Variants in FAM228B observed in about 807,000 individuals in gnomAD.
FAM228B encodes the protein protein FAM228B.
A neutral mutation model predicts 42.6 loss-of-function variants in FAM228B; 38 were observed. That is an observed-to-expected ratio of 0.89 (90% CI 0.69 to 1.17). FAM228B has a LOEUF of 1.17. FAM228B is among the 50% of genes most tolerant of loss of function. FAM228B has a pLI of 0.00. For missense variants in FAM228B, 344 were observed against 367.3 expected, an observed-to-expected ratio of 0.94 and a Z score of 0.52; for synonymous variants, 109 against 122.3, an observed-to-expected ratio of 0.89 and a Z score of 0.72.
chr2:24,083,207 C>G, intron 2 of FAM228B: 10 of 1,505,206 alleles, frequency 6.6e-6, no homozygotes, highest in Non-Finnish European at 8.9e-6. Context: ...CTGTATGTCA[C>G]TACCCCTGGC....
chr2:24,156,814 A>C (rs1667161270), intron 7 of FAM228B, among the ~76,000 whole-genome samples: 1 of 97,724 alleles, frequency 1.0e-5, no homozygotes, highest in Non-Finnish European at 2.0e-5. Context: ...TATCTTTTGT[A>C]TTTTTTGTTT....
chr2:24,103,486 T>C lies in FAM228B; in HGVS notation c.-121+8257T>C, dbSNP rs979939839. Among the ~76,000 whole-genome samples the C allele has an allele frequency of 2.0e-5, 3 of 152,216 alleles. No individual in the cohort carries two copies. The South Asian group carries it at 6.2e-4, about 31-fold the overall frequency. On this transcript the variant is annotated intron_variant, in intron 3 of 10. Transcript: ENST00000613899. Reference sequence around the variant, plus strand: ...CCTGGGCACCTCCACAGGTGCTGTATAGCTACCACCAAAGGGTCACTTGTG... The same window carrying C: ...CCTGGGCACCTCCACAGGTGCTGTACAGCTACCACCAAAGGGTCACTTGTG...
intron 1 of FAM228B, chr2:24,079,576 G>A: frequency 6.2e-7 from 1 of 1,614,094 alleles, no homozygotes; most frequent in East Asian, 2.2e-5. Context: ...CAAGAGCCAG[G>A]CAGTTGACGT....
intron 3 of FAM228B, among the ~76,000 whole-genome samples, chr2:24,117,340 C>T (rs1002999815): frequency 2.0e-5 from 3 of 151,998 alleles, no homozygotes; most frequent in African/African-American, 4.8e-5. Flanking sequence ...ACAGAAGTAG[C>T]ATAGCATCCT....
chr2:24,079,548 A>G (rs1385376093), intron 1 of FAM228B: 2 of 1,614,194 alleles, frequency 1.2e-6, no homozygotes, highest in South Asian at 1.1e-5. Context: ...ATCAGACCAT[A>G]GAGAACCCAT....
intron 7 of FAM228B, among the ~76,000 whole-genome samples, chr2:24,154,000 T>C (rs1225033919): frequency 1.3e-5 from 2 of 152,184 alleles, no homozygotes; most frequent in Non-Finnish European, 2.9e-5. Context: ...GAATTCAGCA[T>C]AAGTCCCCTA....
chr2:24,139,145 T>G (rs1666687858), intron 4 of FAM228B, among the ~76,000 whole-genome samples: 1 of 152,216 alleles, frequency 6.6e-6, no homozygotes, highest in African/African-American at 2.4e-5. Context: ...TCCAACATTC[T>G]TTATTAAGAT....
intron 3 of FAM228B, among the ~76,000 whole-genome samples, chr2:24,101,178 G>T (rs781066156): frequency 1.3e-5 from 2 of 151,950 alleles, no homozygotes; most frequent in Admixed American, 6.6e-5. Context: ...TGAGTTGATG[G>T]GTGCAGCAAA....
intron 7 of FAM228B, 73 bp from the exon 8 acceptor site, chr2:24,161,433 C>G (rs191595093): frequency 2.6e-5 from 23 of 898,840 alleles, no homozygotes; most frequent in Middle Eastern, 3.2e-4. Context: ...GCCTGAGCAA[C>G]AGAGATCTTG....
intron 3 of FAM228B, among the ~76,000 whole-genome samples, chr2:24,100,639 A>G (rs958231847): frequency 2.0e-5 from 3 of 152,346 alleles, no homozygotes; most frequent in Non-Finnish European, 4.4e-5. Context: ...ATGTGGAGAA[A>G]TAGGAATGCT....
intron 3 of FAM228B, among the ~76,000 whole-genome samples, 154 bp from the exon 4 acceptor site, chr2:24,137,755 T>G (rs1666625423): frequency 6.6e-6 from 1 of 152,218 alleles, no homozygotes; most frequent in Non-Finnish European, 1.5e-5. Flanking sequence ...TGTCACATAG[T>G]AGAAGTTAAA....
intron 3 of FAM228B, 25 bp downstream of exon 3, chr2:24,135,212 CT>C (rs2151017896): frequency 1.6e-6 from 2 of 1,281,294 alleles, no homozygotes; most frequent in Non-Finnish European, 2.2e-6. Context: ...CAAAATGCAT[CT>C]CAGTTAAAAA....
intron 3 of FAM228B, chr2:24,115,483 C>A: frequency 2.0e-6 from 2 of 996,320 alleles, no homozygotes; most frequent in Non-Finnish European, 3.0e-6. Flanking sequence ...TTTTTTAGTG[C>A]CTTCTGTCTA....
intron 3 of FAM228B, among the ~76,000 whole-genome samples, chr2:24,113,072 C>T (rs1665824428): frequency 6.6e-6 from 1 of 152,140 alleles, no homozygotes; most frequent in Admixed American, 6.5e-5. Context: ...GACTCATTTA[C>T]AACTTGCCTT....
chr2:24,157,841 G>T lies in FAM228B; in HGVS notation c.687-3665G>T, dbSNP rs1667184842. On this transcript the variant is annotated intron_variant, in intron 7 of 10. Transcript: ENST00000615575. The stretch of plus-strand genomic sequence containing the variant: ...CAGTCTTTTTTCAAGATCCTCAGAT[G>T]ATTCGAACACATACCAGGTTGAAAA... Among the ~76,000 whole-genome samples the T allele has an allele frequency of 2.0e-5, 3 of 152,226 alleles. No homozygotes were observed. The South Asian group carries it at 6.2e-4, about 32-fold the overall frequency.
At chr2:24,140,785 A>G (rs1666723321) in intron 5 of FAM228B, among the ~76,000 whole-genome samples, 1 of 151,744 alleles carries the variant, frequency 6.6e-6, no homozygotes, top group Non-Finnish European at 1.5e-5. Context: ...AACATGGTGA[A>G]ATCCTGTCTC....
At chr2:24,082,440 T>C (rs1322170839) in intron 2 of FAM228B, among the ~76,000 whole-genome samples, 1 of 152,236 alleles carries the variant, frequency 6.6e-6, no homozygotes, top group Non-Finnish European at 1.5e-5. Context: ...CTAAACTCTA[T>C]GGTCATCTGA....
chr2:24,143,721 CAG>C (rs1666820570), intron 5 of FAM228B, among the ~76,000 whole-genome samples: 1 of 151,984 alleles, frequency 6.6e-6, no homozygotes, highest in African/African-American at 2.4e-5. Flanking sequence ...TTAAACATAA[CAG>C]GCATATTATT....
At chr2:24,081,950 C>A (rs139957161) in intron 2 of FAM228B, among the ~76,000 whole-genome samples, 1 of 151,844 alleles carries the variant, frequency 6.6e-6, no homozygotes, top group African/African-American at 2.4e-5. Flanking sequence ...CCACCTCAGC[C>A]GCCCAAAGTG....
Sources: gnomAD v4.1 joint callset for allele counts (sites outside exome capture counted in the v4.1 genomes callset) on GRCh38, gnomAD v4.1.1 for gene constraint, MANE v1.5 for transcripts, NCBI Gene and HGNC (gene_info 2026-07-23, HGNC 2026-07-21) for gene names.